Variants in HIP1 observed in about 807,000 individuals in gnomAD.
The protein encoded by HIP1 is huntingtin interacting protein 1.
Under a neutral mutation model 147.6 loss-of-function variants are expected in HIP1, and 65 were observed. The observed-to-expected ratio is 0.44, with a 90% CI of 0.36 to 0.54. The LOEUF (loss-of-function observed/expected upper bound fraction) is 0.54. HIP1 is among the 20% of genes least tolerant of loss of function. The pLI, the probability that HIP1 is intolerant of heterozygous loss-of-function variation, is 0.00. For missense variants in HIP1, 1,061 were observed against 1,299.6 expected (o/e 0.82, Z 2.82); for synonymous variants, 479 against 504.0 (o/e 0.95, Z 0.67).
intron 30 of HIP1, among the ~76,000 whole-genome samples, chr7:75,538,605 C>G (rs1197479843): frequency 7.5e-6 from 1 of 133,798 alleles, no homozygotes; most frequent in Admixed American, 8.2e-5. Flanking sequence ...GATGGAGTCT[C>G]GCTCTGTTGC....
intron 1 of HIP1, among the ~76,000 whole-genome samples, chr7:75,667,035 A>G (rs902384839): frequency 6.6e-6 from 1 of 152,168 alleles, no homozygotes; most frequent in Non-Finnish European, 1.5e-5. Context: ...GTATAGGCAG[A>G]CACTGGAAAG....
intron 1 of HIP1, among the ~76,000 whole-genome samples, chr7:75,682,256 TATC>T (rs1554517007): frequency 6.6e-6 from 1 of 150,814 alleles, no homozygotes; most frequent in Non-Finnish European, 1.5e-5. Context: ...CCCACCAGCC[TATC>T]ATCATTTTTT....
intron 1 of HIP1, among the ~76,000 whole-genome samples, chr7:75,604,079 G>A (rs190195454): frequency 1.5e-4 from 22 of 148,198 alleles, no homozygotes; most frequent in Non-Finnish European, 2.4e-4. Flanking sequence ...CATTACAGCC[G>A]TTTAAACTAT....
intron 1 of HIP1, among the ~76,000 whole-genome samples, chr7:75,667,102 T>C (rs1799587774): frequency 6.6e-6 from 1 of 152,156 alleles, no homozygotes; most frequent in Non-Finnish European, 1.5e-5. Context: ...ACTGTTTTTC[T>C]AGACTTTCTA....
In HIP1 at chr7:75,547,050, C is replaced by T. The variant is rs782443138; in HGVS notation, c.2466-18G>A. The T allele has an allele frequency of 3.6e-5, 56 of 1,548,334 alleles. No homozygotes were observed. The highest frequency in any genetic ancestry group is 2.2e-4 in the South Asian group (19 of 84,698). ...CAAGGATCCTGCCAAACAAACAAGTCGAGGATACACTGAGATCAAGATCCA... is the reference window on the plus strand; with the variant it reads ...CAAGGATCCTGCCAAACAAACAAGTTGAGGATACACTGAGATCAAGATCCA... On this transcript the variant is annotated intron_variant, in intron 24 of 30. Coordinates refer to ENST00000336926, the MANE Select transcript of HIP1 (RefSeq NM_005338.7).
At chr7:75,717,545 G>C (rs1165587197) in intron 1 of HIP1, among the ~76,000 whole-genome samples, 12 of 151,886 alleles carry the variant, frequency 7.9e-5, no homozygotes, top group African/African-American at 2.7e-4. Flanking sequence ...AAAAGAATTA[G>C]CCGGGGCCCG....
intron 13 of HIP1, 122 bp from the exon 14 acceptor site, chr7:75,560,037 A>C: frequency 2.1e-6 from 2 of 955,918 alleles, no homozygotes; most frequent in Non-Finnish European, 3.0e-6. Context: ...TCAACTCTCC[A>C]CGTCCCAGGA....
intron 1 of HIP1, among the ~76,000 whole-genome samples, chr7:75,712,482 T>G (rs1284837621): frequency 1.3e-5 from 2 of 152,126 alleles, no homozygotes; most frequent in African/African-American, 4.8e-5. Flanking sequence ...GGGGTGTGTG[T>G]TTGGTCTGAA....
At chr7:75,650,916 C>T (rs1478575043) in intron 1 of HIP1, among the ~76,000 whole-genome samples, 27 of 152,034 alleles carry the variant, frequency 1.8e-4, no homozygotes. Flanking sequence ...GAGCCAGCAG[C>T]AATTTACTGG....
intron 1 of HIP1, among the ~76,000 whole-genome samples, chr7:75,647,211 CAAAAAAAAAAAAAAAAAAAAAA>C (rs60972195): frequency 7.8e-4 from 45 of 58,004 alleles, no homozygotes; most frequent in South Asian, 2.6e-3. Flanking sequence ...ACTAAAAATA[CAAAAAAAAAAAAAAAAAAAAAA>C]AAAAAAAAAA....
chr7:75,637,381 G>A (rs12536918), intron 1 of HIP1, among the ~76,000 whole-genome samples: 26,508 of 151,952 alleles, frequency 0.17, 2,890 homozygotes, highest in Non-Finnish European at 0.25. Flanking sequence ...ATTCGGTTTA[G>A]TGGCCATTGG....
At chr7:75,644,860 G>A (rs1434974859) in intron 1 of HIP1, among the ~76,000 whole-genome samples, 1 of 152,182 alleles carries the variant, frequency 6.6e-6, no homozygotes, top group Non-Finnish European at 1.5e-5. Flanking sequence ...GATCCTGGTG[G>A]CTCTGGCACA....
At chr7:75,720,005 A>C (rs1801450756) in intron 1 of HIP1, among the ~76,000 whole-genome samples, 1 of 152,154 alleles carries the variant, frequency 6.6e-6, no homozygotes, top group African/African-American at 2.4e-5. Context: ...GAGACCACAC[A>C]TTAGACAACT....
intron 1 of HIP1, among the ~76,000 whole-genome samples, chr7:75,659,407 C>A (rs1799236794): frequency 6.6e-6 from 1 of 152,194 alleles, no homozygotes; most frequent in Non-Finnish European, 1.5e-5. Context: ...ACCTGTAATC[C>A]CAGCACTTCG....
intron 1 of HIP1, among the ~76,000 whole-genome samples, chr7:75,733,168 T>C (rs1156399113): frequency 6.6e-6 from 1 of 152,158 alleles, no homozygotes; most frequent in Non-Finnish European, 1.5e-5. Context: ...GGGAGGACAG[T>C]GTGGTCGAAC....
chr7:75,617,152 G>A (rs587730992), intron 1 of HIP1, among the ~76,000 whole-genome samples: 1 of 146,664 alleles, frequency 6.8e-6, no homozygotes, highest in Non-Finnish European at 1.5e-5. Flanking sequence ...TCAGCTCACT[G>A]CAACCTCCGC....
intron 1 of HIP1, among the ~76,000 whole-genome samples, chr7:75,717,799 T>C (rs9918653): frequency 0.54 from 81,666 of 151,436 alleles, 22,599 homozygotes; most frequent in African/African-American, 0.65. Context: ...GGTGAAATCC[T>C]ATCTCTACTA....
intron 1 of HIP1, among the ~76,000 whole-genome samples, chr7:75,653,527 G>C (rs1377779994): frequency 6.6e-6 from 1 of 151,944 alleles, no homozygotes; most frequent in South Asian, 2.1e-4. Flanking sequence ...GGTAGTGCAT[G>C]CCTGTAGTAC....
chr7:75,723,965 GAGAGAA>G (rs782384148), intron 1 of HIP1, among the ~76,000 whole-genome samples: 15 of 141,576 alleles, frequency 1.1e-4, no homozygotes, highest in South Asian at 4.7e-4. Context: ...GAGAGAGAGA[GAGAGAA>G]AGAGAGACAG....
Sources: gnomAD v4.1 joint callset for allele counts (sites outside exome capture counted in the v4.1 genomes callset) on GRCh38, gnomAD v4.1.1 for gene constraint, MANE v1.5 for transcripts, NCBI Gene and HGNC (gene_info 2026-07-23, HGNC 2026-07-21) for gene names.